Variants in CADM2 observed in about 807,000 individuals in gnomAD.
CADM2 encodes the protein cell adhesion molecule 2.
A neutral mutation model predicts 49.8 loss-of-function variants in CADM2; 12 were observed. That is an observed-to-expected ratio of 0.24 (90% CI 0.15 to 0.39). CADM2 has a LOEUF of 0.39. CADM2 is among the 10% of genes least tolerant of loss of function. The probability of loss-of-function intolerance (pLI) is 1.00; values close to 1 mark genes in which losing one functional copy is unlikely to be tolerated. For synonymous variants in CADM2, 214 were observed against 175.4 expected (o/e 1.22, Z -1.74); for missense variants, 378 against 492.3 (o/e 0.77, Z 2.20).
At chr3:85,393,881 G>A (rs1413319388) in intron 1 of CADM2, among the ~76,000 whole-genome samples, 1 of 152,072 alleles carries the variant, frequency 6.6e-6, no homozygotes. Flanking sequence ...AATTTTAAAA[G>A]TTACTCGCTC....
At chr3:85,665,861 G>A (rs1303441177) in intron 1 of CADM2, among the ~76,000 whole-genome samples, 4 of 151,860 alleles carry the variant, frequency 2.6e-5, no homozygotes, top group Non-Finnish European at 4.4e-5. Context: ...ATGGGATCCA[G>A]AGCAATAAGT....
chr3:85,592,066 G>T (rs897658608), intron 1 of CADM2, among the ~76,000 whole-genome samples: 7 of 151,934 alleles, frequency 4.6e-5, no homozygotes, highest in African/African-American at 1.4e-4. Flanking sequence ...TAAAAATAAT[G>T]TAAAGAATTG....
chr3:85,412,464 T>C (rs1446558478), intron 1 of CADM2, among the ~76,000 whole-genome samples: 1 of 152,114 alleles, frequency 6.6e-6, no homozygotes, highest in Non-Finnish European at 1.5e-5. Context: ...GTGAATTCTC[T>C]TGATGGCATA....
intron 2 of CADM2, among the ~76,000 whole-genome samples, chr3:85,748,166 T>G (rs985595450): frequency 1.3e-5 from 2 of 152,110 alleles, no homozygotes; most frequent in African/African-American, 4.8e-5. Context: ...TATGTAGATT[T>G]TTTTCTCTAT....
At chr3:85,401,331 A>G (rs565331571) in intron 1 of CADM2, among the ~76,000 whole-genome samples, 9 of 152,310 alleles carry the variant, frequency 5.9e-5, no homozygotes, top group African/African-American at 1.9e-4. Flanking sequence ...TCTGTCTGCC[A>G]GAGAGATACT....
chr3:85,782,774 G>A (rs1439054364), intron 2 of CADM2, among the ~76,000 whole-genome samples: 1 of 151,822 alleles, frequency 6.6e-6, no homozygotes, highest in Non-Finnish European at 1.5e-5. Flanking sequence ...AAACAATACA[G>A]AACTTTAGAA....
At chr3:85,307,269 T>TAAA in intron 1 of CADM2, among the ~76,000 whole-genome samples, 1 of 151,786 alleles carries the variant, frequency 6.6e-6, no homozygotes, top group South Asian at 2.1e-4. Flanking sequence ...TGCTTGGTCA[T>TAAA]ATTCTTAAAA....
chr3:85,706,750 A>C (rs1293224003), intron 1 of CADM2, among the ~76,000 whole-genome samples: 1 of 152,318 alleles, frequency 6.6e-6, no homozygotes, highest in African/African-American at 2.4e-5. Context: ...TCAAAATAAT[A>C]AGCAAAAAGT....
chr3:85,671,859 T>C (rs2065746079), intron 1 of CADM2, among the ~76,000 whole-genome samples: 1 of 152,204 alleles, frequency 6.6e-6, no homozygotes, highest in Admixed American at 6.5e-5. Flanking sequence ...CCCCTAGTAT[T>C]TCTTTTTCAT....
intron 1 of CADM2, among the ~76,000 whole-genome samples, chr3:85,416,841 A>T (rs2035941659): frequency 6.6e-6 from 1 of 152,194 alleles, no homozygotes; most frequent in Non-Finnish European, 1.5e-5. Context: ...CTGGAGCTAA[A>T]TAATTGTATC....
chr3:85,925,388 C>T (rs1559746153), intron 6 of CADM2, among the ~76,000 whole-genome samples: 1 of 151,888 alleles, frequency 6.6e-6, no homozygotes, highest in African/African-American at 2.4e-5. Flanking sequence ...TCACTAAAAT[C>T]GAAAGAAATT....
At chr3:85,213,302 C>T (rs1435825874) in intron 1 of CADM2, among the ~76,000 whole-genome samples, 1 of 152,048 alleles carries the variant, frequency 6.6e-6, no homozygotes, top group Non-Finnish European at 1.5e-5. Context: ...CTGTTTATCT[C>T]TCTTTCATGT....
intron 8 of CADM2, among the ~76,000 whole-genome samples, chr3:86,056,353 G>T (rs1002319967): frequency 3.9e-5 from 6 of 152,156 alleles, no homozygotes; most frequent in Admixed American, 1.3e-4. Context: ...GAAAGGAAGA[G>T]AACTATGCTA....
chr3:85,606,293 A>G (rs1313422671), intron 1 of CADM2, among the ~76,000 whole-genome samples: 3 of 152,076 alleles, frequency 2.0e-5, no homozygotes. Context: ...ATTCTAATGC[A>G]CTACTTACTA....
intron 1 of CADM2, among the ~76,000 whole-genome samples, chr3:85,555,663 G>A (rs545196955): frequency 1.3e-5 from 2 of 151,788 alleles, no homozygotes; most frequent in Non-Finnish European, 2.9e-5. Flanking sequence ...TAAATTATAT[G>A]AGACATAAAA....
rs978583457 is a variant in CADM2 at position 86,074,385 on chromosome 3, G to C, written c.*7602G>C. 2 of 151,980 alleles carry C rather than the reference G, an allele frequency of 1.3e-5. No homozygotes were observed. The highest frequency in any genetic ancestry group is 2.1e-4 in the South Asian group (1 of 4,834). 9.4% of individuals were successfully genotyped at this position (151,980 alleles called of 1,614,324 possible). A position where few individuals can be genotyped will look rare whatever the true frequency, so the allele number is the denominator to read the frequency against. On this transcript the variant is annotated 3_prime_UTR_variant, in exon 10 of 10. Transcript: ENST00000383699. Reference sequence around the variant, plus strand: ...GTCATTGGGTCTCATATTTGTGTTAGACCATGAAATATTCCATTAAAATTT... The same window carrying C: ...GTCATTGGGTCTCATATTTGTGTTACACCATGAAATATTCCATTAAAATTT...
At position 85,288,243 on chromosome 3, in the gene CADM2, T is replaced by C. The variant is rs149280030; in HGVS notation, c.61+328575T>C. On this transcript the variant is annotated intron_variant, in intron 1 of 9. Transcript: ENST00000383699. ...GAAAAAATCACTGTGAGAGAAATAGTTCATGGAGATCAGTTACCTTAATGA... is the reference window on the plus strand; with the variant it reads ...GAAAAAATCACTGTGAGAGAAATAGCTCATGGAGATCAGTTACCTTAATGA... Among the ~76,000 whole-genome samples, 3 of 152,206 alleles carry C rather than the reference T, an allele frequency of 2.0e-5. No individual in the cohort carries two copies. In the East Asian group the frequency reaches 5.8e-4, roughly 29 times the overall value.
At chr3:85,544,491 G>T (rs1358107382) in intron 1 of CADM2, among the ~76,000 whole-genome samples, 2 of 152,120 alleles carry the variant, frequency 1.3e-5, no homozygotes, top group East Asian at 3.9e-4. Flanking sequence ...GCGGGTGAAT[G>T]GCGTGAACCC....
At chr3:85,040,666 A>C (rs1402525038) in intron 1 of CADM2, among the ~76,000 whole-genome samples, 5 of 152,222 alleles carry the variant, frequency 3.3e-5, no homozygotes, top group Non-Finnish European at 7.3e-5. Flanking sequence ...GCTACTTTGC[A>C]TTCTGATTAT....
Sources: gnomAD v4.1 joint callset for allele counts (sites outside exome capture counted in the v4.1 genomes callset) on GRCh38, gnomAD v4.1.1 for gene constraint, MANE v1.5 for transcripts, NCBI Gene and HGNC (gene_info 2026-07-23, HGNC 2026-07-21) for gene names.